The following PRKN variants were observed in gnomAD, a reference collection of about 807,000 sequenced individuals.
PRKN encodes the protein E3 ubiquitin-protein ligase parkin.
PRKN carries 56 observed loss-of-function variants against 59.5 expected under a neutral mutation model. That is an observed-to-expected ratio of 0.94 (90% CI 0.76 to 1.18). The LOEUF (loss-of-function observed/expected upper bound fraction) is 1.18, where lower values mean the gene tolerates loss of function less well. Ranked by LOEUF, PRKN falls within the 50% of genes most tolerant of loss-of-function variation. The probability of loss-of-function intolerance (pLI) is 0.00; values close to 1 mark genes in which losing one functional copy is unlikely to be tolerated. For missense variants in PRKN, 657 were observed against 596.4 expected, an observed-to-expected ratio of 1.10 and a Z score of -1.06; for synonymous variants, 250 against 222.1, an observed-to-expected ratio of 1.13 and a Z score of -1.12.
At chr6:161,517,095 G>A (rs889934345) in intron 9 of PRKN, among the ~76,000 whole-genome samples, 1 of 152,088 alleles carries the variant, frequency 6.6e-6, no homozygotes, top group Non-Finnish European at 1.5e-5. Flanking sequence ...AATTGCCTTG[G>A]GAAAGCCAGA....
intron 1 of PRKN, among the ~76,000 whole-genome samples, chr6:162,492,724 G>A (rs1792873615): frequency 6.6e-6 from 1 of 152,014 alleles, no homozygotes; most frequent in Admixed American, 6.6e-5. Flanking sequence ...GGCCAAGGTG[G>A]GTGGATCAGG....
chr6:162,503,823 A>T (rs1348176522), intron 1 of PRKN, among the ~76,000 whole-genome samples: 1 of 152,214 alleles, frequency 6.6e-6, no homozygotes, highest in Non-Finnish European at 1.5e-5. Flanking sequence ...CAATGTGGGT[A>T]AACAGGAGGG....
At chr6:162,603,712 T>C (rs930531896) in intron 1 of PRKN, among the ~76,000 whole-genome samples, 1 of 152,242 alleles carries the variant, frequency 6.6e-6, no homozygotes, top group Middle Eastern at 3.4e-3. Context: ...ACTTCCCATA[T>C]CTTCTTTTTA....
chr6:162,140,328 T>C (rs1376893113), intron 4 of PRKN, among the ~76,000 whole-genome samples: 1 of 152,208 alleles, frequency 6.6e-6, no homozygotes, highest in Admixed American at 6.5e-5. Flanking sequence ...GGTAATCATT[T>C]GCAAACACAC....
At chr6:162,553,415 T>C (rs1445066866) in intron 1 of PRKN, among the ~76,000 whole-genome samples, 1 of 133,962 alleles carries the variant, frequency 7.5e-6, no homozygotes, top group African/African-American at 2.5e-5. Flanking sequence ...AAGCAAGGGA[T>C]AGATATAGGG....
At position 161,473,566 on chromosome 6, in the gene PRKN, G is replaced by GGAAGTGGT. The variant is rs1204565377; in HGVS notation, c.1083+75280_1083+75287dup. Among the ~76,000 whole-genome samples, 1 of 151,874 alleles carries GGAAGTGGT rather than the reference G, an allele frequency of 6.6e-6. No individual in the cohort carries two copies. Among genetic ancestry groups the GGAAGTGGT allele is most frequent in the Non-Finnish European group, 1.5e-5 (1 of 67,992 alleles). On this transcript the variant is annotated intron_variant, in intron 9 of 11. Coordinates refer to ENST00000366898, the MANE Select transcript of PRKN (RefSeq NM_004562.3). The surrounding 1 kb of genome is among the most constrained non-coding windows in gnomAD (Gnocchi z 4.1). ...GAGACAGAATAAAATGGTGGTTACC[G>GGAAGTGGT]GAAGTGGTGGGGGGAATTGTGGCAG...
rs143360333 is a variant in PRKN, at chr6:161,400,010, C to T, written c.1084-13133G>A. On this transcript the variant is annotated intron_variant, in intron 9 of 11. Transcript: ENST00000366898. This position sits in a 1 kb window ranked among gnomAD's most constrained non-coding sequence, Gnocchi z 4.2. ...TTCATTTTTACTAAGCTTTTGGAAT[C>T]GGGTCTGCTTTTACTCTTTCAATGC... 3.2e-4 allele frequency among the ~76,000 whole-genome samples: 49 copies of T among 152,180 alleles called. No individual in the cohort carries two copies. The highest frequency in any genetic ancestry group is 1.1e-3 in the African/African-American group (44 of 41,508).
intron 6 of PRKN, among the ~76,000 whole-genome samples, chr6:161,896,718 T>C (rs1777641204): frequency 2.6e-5 from 4 of 152,196 alleles, no homozygotes; most frequent in African/African-American, 9.7e-5. Context: ...GTTGTCACTG[T>C]TGGGGGCCTT....
intron 6 of PRKN, among the ~76,000 whole-genome samples, chr6:161,918,198 G>T (rs948527437): frequency 1.3e-5 from 2 of 152,070 alleles, no homozygotes; most frequent in African/African-American, 2.4e-5. Context: ...TGGGCTCATG[G>T]GTAATCAATT....
chr6:162,490,687 T>C (rs1792769345), intron 1 of PRKN, among the ~76,000 whole-genome samples: 1 of 152,180 alleles, frequency 6.6e-6, no homozygotes, highest in Non-Finnish European at 1.5e-5. Flanking sequence ...TTAAGAAAAA[T>C]GCAACCATAA....
intron 9 of PRKN, among the ~76,000 whole-genome samples, chr6:161,479,001 A>G (rs955517279): frequency 2.6e-5 from 4 of 152,242 alleles, no homozygotes; most frequent in African/African-American, 7.2e-5. Flanking sequence ...GAACAATGAA[A>G]ACAATTTATA....
intron 2 of PRKN, among the ~76,000 whole-genome samples, chr6:162,396,552 G>C (rs1583498447): frequency 6.6e-6 from 1 of 152,244 alleles, no homozygotes; most frequent in Non-Finnish European, 1.5e-5. Context: ...CGCGTTCACT[G>C]TTGTCACTCA....
chr6:162,031,522 T>A (rs1783638785), intron 5 of PRKN, among the ~76,000 whole-genome samples: 1 of 148,476 alleles, frequency 6.7e-6, no homozygotes, highest in African/African-American at 2.6e-5. Context: ...GTCACTTTTC[T>A]TTTTCTTTTC....
chr6:162,332,064 C>A (rs953283346), intron 2 of PRKN, among the ~76,000 whole-genome samples: 2 of 152,152 alleles, frequency 1.3e-5, no homozygotes, highest in Non-Finnish European at 2.9e-5. Flanking sequence ...ACTCTGCCAT[C>A]TGCTCTTTAA....
chr6:161,883,448 C>T lies in PRKN; in HGVS notation c.734+89854G>A, dbSNP rs1795016153. On this transcript the variant is annotated intron_variant, in intron 6 of 11. Coordinates refer to ENST00000366898, the MANE Select transcript of PRKN (RefSeq NM_004562.3). ...GTTGCAGTGAGCTGAGATAGCGCCA[C>T]TGCACTCCAGCCTGGGTGACAGAGC... Among the ~76,000 whole-genome samples the T allele has an allele frequency of 2.0e-5, 3 of 147,876 alleles. No homozygotes were observed. The Admixed American group carries it at 2.0e-4, about 10-fold the overall frequency.
intron 4 of PRKN, among the ~76,000 whole-genome samples, chr6:162,197,456 A>T (rs1005587041): frequency 6.6e-6 from 1 of 152,178 alleles, no homozygotes; most frequent in Admixed American, 6.5e-5. Flanking sequence ...ATCCATAAGC[A>T]TATTTTTTTC....
chr6:161,469,653 C>G (rs1038110032), intron 9 of PRKN, among the ~76,000 whole-genome samples: 1 of 152,002 alleles, frequency 6.6e-6, no homozygotes, highest in Admixed American at 6.5e-5. Flanking sequence ...GAAGGGACCT[C>G]AAGCCAAGGA....
rs575823775 is a variant in PRKN, at chr6:162,372,850, AAATCATTTTCAAGAG to A, written c.171+70445_171+70459del. On this transcript the variant is annotated intron_variant, in intron 2 of 11. Transcript: ENST00000366898. ...GTATCTTTACCATATCATGTTTAAA[AAATCATTTTCAAGAG>A]AGGCAAGAAATTTCAGTGGAGAAAA... is the stretch of plus-strand genomic sequence containing the variant. 1.7e-3 allele frequency among the ~76,000 whole-genome samples: 257 copies of A among 152,360 alleles called. 2 individuals are homozygous for A. Among genetic ancestry groups the A allele is most frequent in the Middle Eastern group, 3.4e-3 (1 of 294 alleles).
At chr6:161,500,792 G>A (rs1425888674) in intron 9 of PRKN, among the ~76,000 whole-genome samples, 1 of 150,816 alleles carries the variant, frequency 6.6e-6, no homozygotes, top group Non-Finnish European at 1.5e-5. Flanking sequence ...GTATACATAA[G>A]TTTTCAACTA....
Sources: allele counts gnomAD v4.1 joint callset (sites outside exome capture counted in the v4.1 genomes callset), GRCh38; gene constraint gnomAD v4.1.1; non-coding constraint Gnocchi (gnomAD v3.1); transcripts MANE v1.5; gene names NCBI Gene and HGNC (gene_info 2026-07-23, HGNC 2026-07-21).